Variants in TAS2R1 observed in about 807,000 individuals in gnomAD.
TAS2R1 encodes taste receptor type 2 member 1.
For synonymous variants in TAS2R1, 141 were observed against 134.2 expected (o/e 1.05, Z -0.35); for missense variants, 370 against 353.4 (o/e 1.05, Z -0.38).
In TAS2R1 at chr5:9,694,790, A is replaced by G. The variant is rs983110977; in HGVS notation, c.-242+17382T>C. On this transcript the variant is annotated intron_variant, in intron 1 of 2. Transcript: ENST00000506620. ...TCTTTTTATCAAATTGCTTAGTTCA[A>G]TTTTGATCATTAATATCCCATGGGG... Among the ~76,000 whole-genome samples, 4 of 152,172 alleles carry G rather than the reference A, an allele frequency of 2.6e-5. No homozygotes were observed. The East Asian group carries it at 5.8e-4, about 22-fold the overall frequency.
At chr5:9,701,170 G>C (rs759170740) in intron 1 of TAS2R1, among the ~76,000 whole-genome samples, 1 of 150,956 alleles carries the variant, frequency 6.6e-6, no homozygotes, top group Non-Finnish European at 1.5e-5. Context: ...GGAGACAAGG[G>C]ATTCAAGCTG....
intron 1 of TAS2R1, among the ~76,000 whole-genome samples, chr5:9,681,883 T>G (rs1421864246): frequency 5.3e-5 from 8 of 152,182 alleles, no homozygotes; most frequent in Admixed American, 5.2e-4. Flanking sequence ...ATCTCCAGAT[T>G]ATTTATAGCC....
At chr5:9,760,312 T>C in the TAS2R1 span, among the ~76,000 whole-genome samples, 5 of 152,262 alleles carry the variant, frequency 3.3e-5, no homozygotes, top group East Asian at 1.9e-4. Flanking sequence ...TCCAAGAAGA[T>C]AGAAGTAGAG....
chr5:9,725,657 C>T, the TAS2R1 span, among the ~76,000 whole-genome samples: 7 of 151,506 alleles, frequency 4.6e-5, no homozygotes, highest in Admixed American at 1.3e-4. Context: ...CGACGAGCAC[C>T]GCCCCCTGCT....
chr5:9,799,816 T>A, the TAS2R1 span, among the ~76,000 whole-genome samples: 1 of 152,234 alleles, frequency 6.6e-6, no homozygotes, highest in Admixed American at 6.5e-5. Context: ...AGCTAACAGA[T>A]GTTTGTTCTC....
At chr5:9,868,140 T>A in the TAS2R1 span, among the ~76,000 whole-genome samples, 1 of 152,204 alleles carries the variant, frequency 6.6e-6, no homozygotes, top group African/African-American at 2.4e-5. Context: ...TTGGTGGATC[T>A]ACCATTCTGG....
chr5:9,855,301 A>T, the TAS2R1 span, among the ~76,000 whole-genome samples: 1 of 152,238 alleles, frequency 6.6e-6, no homozygotes, highest in Non-Finnish European at 1.5e-5. Context: ...CCCTGGCAAC[A>T]GGGAAAATCC....
In TAS2R1 at chr5:9,637,062, T is replaced by C. The variant is rs539043460; in HGVS notation, c.-80-7070A>G. 1.4e-3 allele frequency among the ~76,000 whole-genome samples: 220 copies of C among 152,310 alleles called. 1 individual carries two copies. The highest frequency in any genetic ancestry group is 5.0e-3 in the South Asian group (24 of 4,832). On this transcript the variant is annotated intron_variant, in intron 2 of 2. Coordinates refer to the TAS2R1 transcript ENST00000506620. Reference sequence around the variant, plus strand: ...TTTAAGGAGATTCCATTTTGGTGTATTTCAAGGTTTTGTTTCAGGATTTAG... The same window carrying C: ...TTTAAGGAGATTCCATTTTGGTGTACTTCAAGGTTTTGTTTCAGGATTTAG...
At chr5:9,654,590 GGA>G (rs1740372182) in intron 2 of TAS2R1, among the ~76,000 whole-genome samples, 1 of 152,096 alleles carries the variant, frequency 6.6e-6, no homozygotes. Flanking sequence ...AGTCCAGAAA[GGA>G]AAAAATGTCC....
upstream of TAS2R1, among the ~76,000 whole-genome samples, chr5:9,633,305 TATA>T (rs1739908662): frequency 1.1e-5 from 1 of 94,854 alleles, no homozygotes; most frequent in African/African-American, 4.2e-5. Flanking sequence ...TATATATATA[TATA>T]TATATATATA....
chr5:9,831,878 TACTAGAGAGCCCACTGAATC>T, the TAS2R1 span, among the ~76,000 whole-genome samples: 9 of 152,316 alleles, frequency 5.9e-5, no homozygotes, highest in Non-Finnish European at 1.0e-4. Flanking sequence ...AATTCTGACA[TACTAGAGAGCCCACTGAATC>T]ACTTATTTGT....
At chr5:9,816,645 G>A in the TAS2R1 span, among the ~76,000 whole-genome samples, 3 of 151,952 alleles carry the variant, frequency 2.0e-5, no homozygotes, top group Admixed American at 6.6e-5. Flanking sequence ...TCATTATTAG[G>A]TATGATGAAA....
chr5:9,721,448 T>C, the TAS2R1 span, among the ~76,000 whole-genome samples: 5 of 152,200 alleles, frequency 3.3e-5, no homozygotes, highest in Non-Finnish European at 5.9e-5. Flanking sequence ...CACAGCATTA[T>C]ATAAGAGTGA....
At chr5:9,708,972 C>T (rs1177214311) in intron 1 of TAS2R1, among the ~76,000 whole-genome samples, 1 of 152,082 alleles carries the variant, frequency 6.6e-6, no homozygotes, top group Non-Finnish European at 1.5e-5. Context: ...CAGTTATATT[C>T]AAAAGCAAGA....
chr5:9,884,473 TAAA>T, the TAS2R1 span, among the ~76,000 whole-genome samples: 21 of 108,272 alleles, frequency 1.9e-4, no homozygotes, highest in East Asian at 8.0e-4. Context: ...GACTCTGACT[TAAA>T]AAAAAAAAAA....
At chr5:9,871,718 G>A in the TAS2R1 span, among the ~76,000 whole-genome samples, 1 of 152,344 alleles carries the variant, frequency 6.6e-6, no homozygotes. Flanking sequence ...GGGGAGAACA[G>A]TCCATTGATA....
intron 2 of TAS2R1, among the ~76,000 whole-genome samples, chr5:9,652,464 C>T (rs963467853): frequency 3.9e-5 from 6 of 152,182 alleles, no homozygotes; most frequent in African/African-American, 1.4e-4. Context: ...CATCCTCTTC[C>T]TCTTCACTGG....
the TAS2R1 span, among the ~76,000 whole-genome samples, chr5:9,733,407 A>G: frequency 6.6e-6 from 1 of 152,236 alleles, no homozygotes; most frequent in Non-Finnish European, 1.5e-5. Flanking sequence ...AACTTTGTTG[A>G]GCCCTGGTGT....
chr5:9,758,964 T>C, the TAS2R1 span, among the ~76,000 whole-genome samples: 1 of 152,232 alleles, frequency 6.6e-6, no homozygotes, highest in Admixed American at 6.5e-5. Flanking sequence ...TATTTAAGCA[T>C]TTATGCCCAG....
Sources: gnomAD v4.1 joint callset for allele counts (sites outside exome capture counted in the v4.1 genomes callset) on GRCh38, gnomAD v4.1.1 for gene constraint, MANE v1.5 for transcripts, NCBI Gene and HGNC (gene_info 2026-07-23, HGNC 2026-07-21) for gene names.